Variants in MACROD2 observed in about 807,000 individuals in gnomAD.
The protein encoded by MACROD2 is ADP-ribose glycohydrolase MACROD2.
A neutral mutation model predicts 70.4 loss-of-function variants in MACROD2; 36 were observed. The observed-to-expected ratio is 0.51, with a 90% CI of 0.39 to 0.68. The LOEUF (loss-of-function observed/expected upper bound fraction) is 0.68, where lower values mean the gene tolerates loss of function less well. Among genes scored for constraint, MACROD2 ranks in the 30% least tolerant of loss-of-function variants. The pLI, the probability that MACROD2 is intolerant of heterozygous loss-of-function variation, is 0.00. For missense variants in MACROD2, 496 were observed against 538.4 expected (o/e 0.92, Z 0.78); for synonymous variants, 172 against 178.8 (o/e 0.96, Z 0.30).
At chr20:15,277,840 T>G (rs1438853532) in intron 6 of MACROD2, among the ~76,000 whole-genome samples, 5 of 152,086 alleles carry the variant, frequency 3.3e-5, no homozygotes, top group African/African-American at 1.2e-4. Context: ...GAGGTGTGTG[T>G]GGGGAGGTGA....
In MACROD2 at chr20:14,608,968, G is replaced by A. The variant is rs80288454; in HGVS notation, c.302-75875G>A. ...GTTAATTCTGTCCAATGGCAGTGAG[G>A]GGGCCAGTGTGTAAGGTACAGAGAA... On this transcript the variant is annotated intron_variant, in intron 4 of 17. Transcript: ENST00000684519. Among the ~76,000 whole-genome samples, 31 of 152,228 alleles carry A rather than the reference G, an allele frequency of 2.0e-4. No homozygotes were observed. In the East Asian group the frequency reaches 6.0e-3, roughly 29 times the overall value.
At chr20:15,359,125 T>C (rs1361664538) in intron 6 of MACROD2, among the ~76,000 whole-genome samples, 2 of 152,210 alleles carry the variant, frequency 1.3e-5, no homozygotes, top group Admixed American at 6.5e-5. Flanking sequence ...ACAGTTGGTC[T>C]TAGAATTTAA....
At chr20:14,470,519 C>T (rs144894981) in intron 3 of MACROD2, among the ~76,000 whole-genome samples, 1,897 of 152,272 alleles carry the variant, frequency 0.012, 16 homozygotes, top group Non-Finnish European at 0.019. Context: ...GAAGCTGCGA[C>T]CATAGCCGCC....
intron 10 of MACROD2, 68 bp downstream of exon 10, chr20:15,885,879 T>C (rs898865241): frequency 2.9e-6 from 4 of 1,401,820 alleles, no homozygotes; most frequent in South Asian, 3.0e-5. Flanking sequence ...GTACACTTCA[T>C]ATTTTTTCAA....
intron 6 of MACROD2, among the ~76,000 whole-genome samples, chr20:15,333,774 T>C (rs749288275): frequency 1.1e-4 from 16 of 151,600 alleles, no homozygotes; most frequent in Admixed American, 7.2e-4. Context: ...TTAGGTATCA[T>C]TGCTGGATGA....
intron 3 of MACROD2, among the ~76,000 whole-genome samples, chr20:14,175,936 G>T (rs1256978759): frequency 3.3e-5 from 5 of 152,136 alleles, no homozygotes; most frequent in South Asian, 2.1e-4. Context: ...GGCAAATGAG[G>T]TTTAATCTTG....
chr20:14,804,633 T>C (rs1225985736), intron 5 of MACROD2, among the ~76,000 whole-genome samples: 3 of 152,006 alleles, frequency 2.0e-5, no homozygotes, highest in Non-Finnish European at 2.9e-5. Context: ...AGGGCTGTAC[T>C]GACCTGTGGT....
chr20:15,183,806 C>G (rs903301478), intron 5 of MACROD2, among the ~76,000 whole-genome samples: 2 of 152,184 alleles, frequency 1.3e-5, no homozygotes, highest in African/African-American at 4.8e-5. Flanking sequence ...AACATTTTCA[C>G]AAGTGTGCAT....
At chr20:14,282,745 G>A (rs2082316362) in intron 3 of MACROD2, among the ~76,000 whole-genome samples, 1 of 152,070 alleles carries the variant, frequency 6.6e-6, no homozygotes, top group African/African-American at 2.4e-5. Context: ...CGTATCACAT[G>A]GTGAAATGGA....
chr20:15,212,431 CTT>C (rs912134631), intron 5 of MACROD2, among the ~76,000 whole-genome samples: 2 of 152,108 alleles, frequency 1.3e-5, no homozygotes, highest in Non-Finnish European at 2.9e-5. Flanking sequence ...AAAATGAGCT[CTT>C]TTTTTGGCGC....
intron 8 of MACROD2, among the ~76,000 whole-genome samples, chr20:15,575,718 G>A (rs1951389546): frequency 6.6e-6 from 1 of 152,082 alleles, no homozygotes; most frequent in Admixed American, 6.5e-5. Context: ...CATGCCCTGA[G>A]AAAAGAGCAC....
chr20:14,005,735 G>A (rs942368493), intron 2 of MACROD2, among the ~76,000 whole-genome samples: 5 of 151,974 alleles, frequency 3.3e-5, no homozygotes, highest in Admixed American at 3.3e-4. Context: ...TGAGTAGCTG[G>A]GATTATAGAT....
In MACROD2 at chr20:15,937,479, G is replaced by T. The variant is rs776007638; in HGVS notation, c.842G>T (p.Gly281Val). The change falls in exon 12 of 18, where the codon GGT becomes GTT. Residue 281 changes from glycine to valine, a missense_variant. Physicochemically the swap from Gly to Val is moderately radical, Grantham distance 109. Coordinates refer to ENST00000684519, the MANE Select transcript of MACROD2 (RefSeq NM_001351661.2). ...GTGTTTCTTTTCTGCTTTATAGATG[G>T]TGTCAACACTGTCACTGTGCCCGGC... ...EMEEQSQDAD[G>V]VNTVTVPGPA... 1.1e-5 allele frequency: 18 copies of T among 1,613,230 alleles called. No homozygotes were observed. The East Asian group carries it at 1.6e-4, about 14-fold the overall frequency.
chr20:15,308,332 G>A (rs892834374), intron 6 of MACROD2, among the ~76,000 whole-genome samples: 13 of 152,002 alleles, frequency 8.6e-5, no homozygotes, highest in African/African-American at 2.7e-4. Flanking sequence ...TACTTACAAA[G>A]CGCTTACTGA....
At chr20:15,615,883 T>C (rs1285170900) in intron 8 of MACROD2, among the ~76,000 whole-genome samples, 2 of 152,116 alleles carry the variant, frequency 1.3e-5, no homozygotes, top group East Asian at 3.9e-4. Context: ...TAATAATATA[T>C]TAATTCCAGT....
At chr20:15,134,815 C>T (rs945188089) in intron 5 of MACROD2, among the ~76,000 whole-genome samples, 11 of 151,792 alleles carry the variant, frequency 7.2e-5, no homozygotes, top group East Asian at 1.9e-4. Flanking sequence ...ATTGATAGAC[C>T]GCTAGCAAGA....
chr20:15,901,614 G>C (rs2065065676), intron 10 of MACROD2, among the ~76,000 whole-genome samples: 1 of 152,096 alleles, frequency 6.6e-6, no homozygotes, highest in Non-Finnish European at 1.5e-5. Flanking sequence ...ATGCATTTTT[G>C]CTTACAGTAT....
chr20:14,301,110 A>G (rs2082471203), intron 3 of MACROD2, among the ~76,000 whole-genome samples: 1 of 152,146 alleles, frequency 6.6e-6, no homozygotes, highest in Non-Finnish European at 1.5e-5. Flanking sequence ...AGTTGGAAGC[A>G]CAGAGCAGTT....
At chr20:16,046,011 C>T (rs1212311273) in intron 17 of MACROD2, among the ~76,000 whole-genome samples, 6 of 151,984 alleles carry the variant, frequency 3.9e-5, no homozygotes, top group African/African-American at 1.4e-4. Flanking sequence ...AAGAAAAAAA[C>T]CTATGGAATA....
Sources: allele counts gnomAD v4.1 joint callset (sites outside exome capture counted in the v4.1 genomes callset), GRCh38; gene constraint gnomAD v4.1.1; transcripts MANE v1.5; gene names NCBI Gene and HGNC (gene_info 2026-07-23, HGNC 2026-07-21).